DLG2: variants seen among roughly 807,000 people sequenced by gnomAD.
The protein encoded by DLG2 is discs large MAGUK scaffold protein 2.
In DLG2, 45 loss-of-function variants were observed where a neutral mutation model predicts 132.5. The ratio of observed to expected loss-of-function variants is 0.34; its 90% CI spans 0.27 to 0.44. DLG2 has a LOEUF of 0.44. Ranked by LOEUF, DLG2 falls within the 20% of genes least tolerant of loss-of-function variation. The probability of loss-of-function intolerance (pLI) is 1.00; values close to 1 mark genes in which losing one functional copy is unlikely to be tolerated. For synonymous variants in DLG2, 424 were observed against 419.6 expected (o/e 1.01, Z -0.13); for missense variants, 1,045 against 1,196.9 (o/e 0.87, Z 1.87).
At chr11:85,351,689 CT>C (rs2083301430) in intron 3 of DLG2, among the ~76,000 whole-genome samples, 1 of 152,142 alleles carries the variant, frequency 6.6e-6, no homozygotes, top group African/African-American at 2.4e-5. Flanking sequence ...GTTGTTGGTT[CT>C]GTTTACGTGA....
At chr11:85,625,658 C>G (rs754011516) in intron 2 of DLG2, among the ~76,000 whole-genome samples, 1 of 152,182 alleles carries the variant, frequency 6.6e-6, no homozygotes. Context: ...TCACCCAGAG[C>G]TTTAGTTTCA....
At chr11:85,423,731 C>G (rs952406476) in intron 3 of DLG2, among the ~76,000 whole-genome samples, 2 of 152,136 alleles carry the variant, frequency 1.3e-5, no homozygotes, top group Admixed American at 6.5e-5. Context: ...AGTCACAGAT[C>G]TCATCCAGCT....
intron 21 of DLG2, among the ~76,000 whole-genome samples, chr11:83,517,946 C>A (rs963775960): frequency 1.3e-5 from 2 of 152,130 alleles, no homozygotes; most frequent in African/African-American, 4.8e-5. Flanking sequence ...GGGGTGACTC[C>A]CAGTTAGGCT....
chr11:83,704,049 G>T (rs1047437113), intron 18 of DLG2, among the ~76,000 whole-genome samples: 3 of 151,960 alleles, frequency 2.0e-5, no homozygotes, highest in East Asian at 3.8e-4. Flanking sequence ...AAAATAAATG[G>T]CAAGGACCTA....
Position 83,827,023 on chromosome 11 carries a change from C to T in DLG2, c.1722+6591G>A, listed in dbSNP as rs530372311. Among the ~76,000 whole-genome samples, 15 of 152,144 alleles carry T rather than the reference C, an allele frequency of 9.9e-5. No homozygotes were observed. The South Asian group carries it at 2.7e-3, about 27-fold the overall frequency. On this transcript the variant is annotated intron_variant, in intron 17 of 27. Coordinates refer to ENST00000376104, the MANE Select transcript of DLG2 (RefSeq NM_001142699.3). ...GAGAGAGAGTTTCTTAGGCAGAGAA[C>T]ATCAGTACTGAAAACTAGGAAAGCA... is the stretch of plus-strand genomic sequence containing the variant.
At chr11:84,834,966 C>T (rs1156851928) in intron 6 of DLG2, among the ~76,000 whole-genome samples, 1 of 151,416 alleles carries the variant, frequency 6.6e-6, no homozygotes, top group African/African-American at 2.4e-5. Flanking sequence ...CTAATACTTC[C>T]TAATAATAAG....
chr11:84,317,453 C>T (rs1480687700), intron 7 of DLG2: 6 of 947,812 alleles, frequency 6.3e-6, no homozygotes, highest in East Asian at 5.1e-5. Context: ...AGACTGTACA[C>T]TGTGTTACAA....
At chr11:83,685,286 G>T (rs2153606054) in intron 18 of DLG2, among the ~76,000 whole-genome samples, 1 of 152,256 alleles carries the variant, frequency 6.6e-6, no homozygotes, top group African/African-American at 2.4e-5. Flanking sequence ...AAACATTAGT[G>T]TCTGTTTTCA....
chr11:84,745,399 C>G (rs1468403598), intron 6 of DLG2, among the ~76,000 whole-genome samples: 6 of 152,128 alleles, frequency 3.9e-5, no homozygotes, highest in Non-Finnish European at 8.8e-5. Context: ...CTGGTCTGGC[C>G]ATATGACATG....
At chr11:85,043,003 A>T (rs1013828040) in intron 6 of DLG2, among the ~76,000 whole-genome samples, 1 of 151,856 alleles carries the variant, frequency 6.6e-6, no homozygotes, top group East Asian at 1.9e-4. Context: ...CATTTCAGGC[A>T]TATAATTTTA....
chr11:85,081,410 T>G (rs2067208799), intron 6 of DLG2, among the ~76,000 whole-genome samples: 1 of 152,134 alleles, frequency 6.6e-6, no homozygotes, highest in Admixed American at 6.5e-5. Context: ...AAGTAAAAGT[T>G]TTACTTTGGC....
intron 5 of DLG2, among the ~76,000 whole-genome samples, chr11:85,134,199 T>C (rs1350188130): frequency 2.0e-5 from 3 of 151,344 alleles, no homozygotes; most frequent in African/African-American, 7.3e-5. Flanking sequence ...CCATACACTT[T>C]ATCTCCTCAG....
At chr11:83,825,171 ATTTTTTTTTTTTT>A (rs10566177) in intron 17 of DLG2, among the ~76,000 whole-genome samples, 737 of 72,600 alleles carry the variant, frequency 0.01, 10 homozygotes, top group African/African-American at 0.034. Context: ...ATATATATAT[ATTTTTTTTTTTTT>A]TTTTTTTTTT....
intron 15 of DLG2, among the ~76,000 whole-genome samples, chr11:83,900,005 T>A (rs2072970917): frequency 6.6e-6 from 1 of 152,136 alleles, no homozygotes; most frequent in South Asian, 2.1e-4. Context: ...TGGTCTCAGA[T>A]GGAAATGAGA....
chr11:84,108,691 A>T (rs192653864), intron 9 of DLG2, among the ~76,000 whole-genome samples: 4 of 152,238 alleles, frequency 2.6e-5, no homozygotes, highest in African/African-American at 9.6e-5. Flanking sequence ...TTGGGTCATA[A>T]AAGGCTTAAA....
At chr11:85,573,542 C>G (rs935263324) in intron 3 of DLG2, among the ~76,000 whole-genome samples, 3 of 152,020 alleles carry the variant, frequency 2.0e-5, no homozygotes, top group African/African-American at 7.2e-5. Flanking sequence ...TGGTGACAGC[C>G]AAGTGCCAGT....
intron 4 of DLG2, among the ~76,000 whole-genome samples, chr11:85,165,982 T>C (rs550229615): frequency 6.6e-6 from 1 of 152,180 alleles, no homozygotes; most frequent in Non-Finnish European, 1.5e-5. Context: ...ACATCTTTAC[T>C]GCCCACTCAT....
intron 5 of DLG2, among the ~76,000 whole-genome samples, chr11:85,114,751 C>T (rs2073303191): frequency 6.6e-6 from 1 of 151,886 alleles, no homozygotes. Context: ...AAATATGTAA[C>T]TACAAAGAAC....
intron 6 of DLG2, among the ~76,000 whole-genome samples, chr11:84,878,985 TA>T (rs1193232940): frequency 1.3e-5 from 2 of 152,184 alleles, no homozygotes; most frequent in African/African-American, 4.8e-5. Context: ...ATTACATTTG[TA>T]AAATATGAAA....
Sources: allele counts gnomAD v4.1 joint callset (sites outside exome capture counted in the v4.1 genomes callset), GRCh38; gene constraint gnomAD v4.1.1; transcripts MANE v1.5; gene names NCBI Gene and HGNC (gene_info 2026-07-23, HGNC 2026-07-21).